Variants in CNIH4 observed in about 807,000 individuals in gnomAD.
CNIH4 encodes cornichon family member 4.
A neutral mutation model predicts 21.5 loss-of-function variants in CNIH4; 9 were observed. That is an observed-to-expected ratio of 0.42 (90% CI 0.25 to 0.73). CNIH4 has a LOEUF of 0.73. Ranked by LOEUF, CNIH4 falls within the 30% of genes least tolerant of loss-of-function variation. The probability of loss-of-function intolerance (pLI) is 0.27; values close to 1 mark genes in which losing one functional copy is unlikely to be tolerated. For missense variants in CNIH4, 159 were observed against 170.0 expected, an observed-to-expected ratio of 0.94 and a Z score of 0.36; for synonymous variants, 67 against 59.1, an observed-to-expected ratio of 1.13 and a Z score of -0.61.
rs555729855 is a variant in CNIH4 at position 224,375,919 on chromosome 1, G to C, written c.*97G>C. On this transcript the variant is annotated 3_prime_UTR_variant, in exon 5 of 5. Coordinates refer to ENST00000465271, the MANE Select transcript of CNIH4 (RefSeq NM_014184.4). ...CATCCTTAGAACCGTGACCATAGCA[G>C]TATATATTTTCCTCTTGGAACAAAA... 1.4e-5 allele frequency: 20 copies of C among 1,468,468 alleles called. No individual in the cohort carries two copies. The highest frequency in any genetic ancestry group is 1.6e-5 in the Non-Finnish European group (18 of 1,102,584). 91.0% of individuals were successfully genotyped at this position (1,468,468 alleles called of 1,614,324 possible). A position where few individuals can be genotyped will look rare whatever the true frequency, so the allele number is the denominator to read the frequency against.
rs114855926 is a variant in CNIH4, at chr1:224,356,963, T to C, written c.39T>C (p.Cys13=). 1,164 of 1,612,730 alleles carry C rather than the reference T, an allele frequency of 7.2e-4. 4 individuals are homozygous for C. In the African/African-American group the frequency reaches 0.014, roughly 19 times the overall value. The change falls in exon 1 of 5, where the codon TGT becomes TGC. Residue 13 remains cysteine (C), a synonymous_variant. Coordinates refer to ENST00000465271, the MANE Select transcript of CNIH4 (RefSeq NM_014184.4). ...TGTTCGTCTTCTCTCTCCTCGATTG[T>C]TGCGCGCTCATCTTCCTCTCGGTCT... is the stretch of plus-strand genomic sequence containing the variant. The part of the protein sequence containing the change: ...AVVFVFSLLD[C]CALIFLSVYF...
Position 224,379,267 on chromosome 1 carries a change from C to T in CNIH4, c.*3445C>T. ...AAGAAAGCTTCCTATAGTAGTATCT[C>T]CCATGGCACTTACCACATTCTATCT... On this transcript the variant is annotated 3_prime_UTR_variant, in exon 5 of 5. Transcript: ENST00000465271. The T allele has an allele frequency of 1.6e-6, 1 of 627,638 alleles. No homozygotes were observed. The allele number at this position is 627,638 out of a possible 1,614,324, so 38.9% of individuals were successfully genotyped here.
At chr1:224,367,570 G>A (rs1672500656) in intron 3 of CNIH4, among the ~76,000 whole-genome samples, 1 of 151,146 alleles carries the variant, frequency 6.6e-6, no homozygotes, top group South Asian at 2.1e-4. Flanking sequence ...TGTTGCTCAG[G>A]CTGGAATGCA....
intron 1 of CNIH4, chr1:224,357,592 C>T (rs190134140): frequency 3.5e-4 from 53 of 152,384 alleles, no homozygotes; most frequent in African/African-American, 1.3e-3. Context: ...GAAGTTGCTT[C>T]CTTCACTGTG....
intron 3 of CNIH4, among the ~76,000 whole-genome samples, chr1:224,366,805 A>AC (rs1420415605): frequency 6.6e-6 from 1 of 150,966 alleles, no homozygotes; most frequent in Non-Finnish European, 1.5e-5. Flanking sequence ...CTAAAAATAA[A>AC]AAAAAAAATT....
In CNIH4 at chr1:224,356,893, G is replaced by A. The variant is rs999373921; in HGVS notation, c.-32G>A. 3 of 1,581,336 alleles carry A rather than the reference G, an allele frequency of 1.9e-6. No individual in the cohort carries two copies. Among genetic ancestry groups the A allele is most frequent in the African/African-American group, 1.3e-5 (1 of 74,406 alleles). ...TGGGTCGGGGCATCCGAGCGGGTTTGACGGAAGGAGCGGCGGCGACGGAGG... is the reference window on the plus strand; with the variant it reads ...TGGGTCGGGGCATCCGAGCGGGTTTAACGGAAGGAGCGGCGGCGACGGAGG... On this transcript the variant is annotated 5_prime_UTR_variant, in exon 1 of 5. Coordinates refer to ENST00000465271, the MANE Select transcript of CNIH4 (RefSeq NM_014184.4).
In CNIH4 at chr1:224,377,811, C is replaced by T. The variant is rs1476087474; in HGVS notation, c.*1989C>T. ...ATGACTTTTGACCAAAATGTTTCAC[C>T]TTCTCATTCAGATATTCTTAGTAAC... On this transcript the variant is annotated 3_prime_UTR_variant, in exon 5 of 5. Transcript: ENST00000465271. 3 of 152,034 alleles carry T rather than the reference C, an allele frequency of 2.0e-5. No individual in the cohort carries two copies. Among genetic ancestry groups the T allele is most frequent in the Non-Finnish European group, 4.4e-5 (3 of 68,042 alleles). The allele number at this position is 152,034 out of a possible 1,614,324, so 9.4% of individuals were successfully genotyped here.
At chr1:224,365,021 GC>G (rs1423394571) in intron 2 of CNIH4, among the ~76,000 whole-genome samples, 2 of 152,104 alleles carry the variant, frequency 1.3e-5, no homozygotes, top group East Asian at 3.9e-4. Flanking sequence ...AAATCTAAAT[GC>G]AAGAGGTCTG....
At position 224,365,861 on chromosome 1, in the gene CNIH4, T is replaced by C; in HGVS notation, c.139-18T>C. On this transcript the variant is annotated intron_variant, in intron 2 of 4. Coordinates refer to ENST00000465271, the MANE Select transcript of CNIH4 (RefSeq NM_014184.4). The stretch of plus-strand genomic sequence containing the variant: ...AGGACATAGCAGTGAGATGTAATAC[T>C]GTGTTCTTCCATTGCAGTGGGTAAT... 1 of 1,382,100 alleles carries C rather than the reference T, an allele frequency of 7.2e-7. No homozygotes were observed. Among genetic ancestry groups the C allele is most frequent in the Non-Finnish European group, 1.0e-6 (1 of 968,450 alleles). 85.6% of individuals were successfully genotyped at this position (1,382,100 alleles called of 1,614,324 possible).
At chr1:224,362,362 T>C (rs1484398286) in intron 2 of CNIH4, among the ~76,000 whole-genome samples, 2 of 141,886 alleles carry the variant, frequency 1.4e-5, no homozygotes, top group Non-Finnish European at 3.1e-5. Context: ...TCATCTATTC[T>C]ATATGATTCT....
Position 224,376,976 on chromosome 1 carries a change from C to A in CNIH4, c.*1154C>A. On this transcript the variant is annotated 3_prime_UTR_variant, in exon 5 of 5. Transcript: ENST00000465271. ...TGTGGGAGAATCCAAAGGCATTATT[C>A]ACTCTAGTTGAGATAGAATTGGGTG... 1.1e-6 allele frequency: 1 copy of A among 926,490 alleles called. No homozygotes were observed. The highest frequency in any genetic ancestry group is 1.3e-6 in the Non-Finnish European group (1 of 776,144). The allele number at this position is 926,490 out of a possible 1,614,324, so 57.4% of individuals were successfully genotyped here.
rs1672627717 is a variant in CNIH4 at position 224,371,508 on chromosome 1, G to T, written c.392+85G>T. ...TTACTATACTATAGGATTTTGCATT[G>T]ACATTGTGGAACTTTCGGGGATTAT... On this transcript the variant is annotated intron_variant, in intron 4 of 4. Transcript: ENST00000465271. 3 of 1,337,882 alleles carry T rather than the reference G, an allele frequency of 2.2e-6. No homozygotes were observed. In the African/African-American group the frequency reaches 4.4e-5, roughly 20 times the overall value. 82.9% of individuals were successfully genotyped at this position (1,337,882 alleles called of 1,614,324 possible).
Position 224,378,873 on chromosome 1 carries a change from A to T in CNIH4, c.*3051A>T, listed in dbSNP as rs1672845137. 3.8e-6 allele frequency: 2 copies of T among 522,792 alleles called. No individual in the cohort carries two copies. 32.4% of individuals were successfully genotyped at this position (522,792 alleles called of 1,614,324 possible). On this transcript the variant is annotated 3_prime_UTR_variant, in exon 5 of 5. Transcript: ENST00000465271. Reference sequence around the variant, plus strand: ...AACATCTGAATGCTGAGGCCTAGAGATCGTTCAGGGTGTTGTAACTGGGAA... The same window carrying T: ...AACATCTGAATGCTGAGGCCTAGAGTTCGTTCAGGGTGTTGTAACTGGGAA...
Position 224,373,511 on chromosome 1 carries a change from T to C in CNIH4, c.392+2088T>C, listed in dbSNP as rs545540988. On this transcript the variant is annotated intron_variant, in intron 4 of 4. Coordinates refer to ENST00000465271, the MANE Select transcript of CNIH4 (RefSeq NM_014184.4). ...GGATTTAAAAATGTACATGAGTTTC[T>C]GAACTCTTAGTCGTAGAATTTAAAG... Among the ~76,000 whole-genome samples the C allele has an allele frequency of 4.6e-5, 7 of 152,228 alleles. No homozygotes were observed. In the South Asian group the frequency reaches 1.5e-3, roughly 32 times the overall value.
intron 3 of CNIH4, among the ~76,000 whole-genome samples, chr1:224,366,633 G>A (rs529594801): frequency 1.3e-5 from 2 of 151,620 alleles, no homozygotes; most frequent in South Asian, 4.2e-4. Context: ...ACAGGTGTGA[G>A]CCACAGCGCC....
chr1:224,372,974 C>G (rs1672676180), intron 4 of CNIH4, among the ~76,000 whole-genome samples: 1 of 152,016 alleles, frequency 6.6e-6, no homozygotes, highest in African/African-American at 2.4e-5. Context: ...TTCCTAAAAT[C>G]CCTTCACTGT....
intron 3 of CNIH4, among the ~76,000 whole-genome samples, chr1:224,368,640 G>A (rs1021446808): frequency 7.1e-6 from 1 of 141,380 alleles, no homozygotes; most frequent in African/African-American, 2.6e-5. Context: ...GACTGCCTGA[G>A]TGTTTTCAGA....
chr1:224,359,836 G>C (rs1672222771), intron 1 of CNIH4, among the ~76,000 whole-genome samples: 1 of 152,052 alleles, frequency 6.6e-6, no homozygotes, highest in Non-Finnish European at 1.5e-5. Flanking sequence ...CTAATAGCTA[G>C]CATTACAGGT....
At position 224,377,035 on chromosome 1, in the gene CNIH4, A is replaced by ATGTT; in HGVS notation, c.*1214_*1217dup. The stretch of plus-strand genomic sequence containing the variant: ...GGGTGTGTGGTACCCAAAAGATTAA[A>ATGTT]TGTTACATGTCCTTTTAGTCCTTGA... On this transcript the variant is annotated 3_prime_UTR_variant, in exon 5 of 5. Transcript: ENST00000465271. The ATGTT allele has an allele frequency of 2.1e-6, 1 of 485,198 alleles. No homozygotes were observed. Among genetic ancestry groups the ATGTT allele is most frequent in the South Asian group, 8.9e-5 (1 of 11,234 alleles). 30.1% of individuals were successfully genotyped at this position (485,198 alleles called of 1,614,324 possible).
Sources: gnomAD v4.1 joint callset for allele counts (sites outside exome capture counted in the v4.1 genomes callset) on GRCh38, gnomAD v4.1.1 for gene constraint, MANE v1.5 for transcripts, NCBI Gene and HGNC (gene_info 2026-07-23, HGNC 2026-07-21) for gene names.